Variants in C1S observed in about 807,000 individuals in gnomAD.
C1S encodes complement C1s subcomponent.
A neutral mutation model predicts 54.0 loss-of-function variants in C1S; 31 were observed. The observed-to-expected ratio is 0.57, with a 90% CI of 0.43 to 0.78. C1S has a LOEUF of 0.78. C1S is among the 30% of genes least tolerant of loss of function. C1S has a pLI of 0.00. For synonymous variants in C1S, 292 were observed against 303.6 expected, an observed-to-expected ratio of 0.96 and a Z score of 0.40; for missense variants, 727 against 851.8, an observed-to-expected ratio of 0.85 and a Z score of 1.82.
Position 7,070,556 on chromosome 12 carries a change from CAGTG to C in C1S, c.1973_1976del (p.Gln658LeufsTer10). On this transcript the variant is annotated frameshift_variant, in exon 12 of 12. Transcript: ENST00000360817. LOFTEE classifies it low-confidence loss of function (END_TRUNC). This position sits in a 1 kb window ranked among gnomAD's most constrained non-coding sequence, Gnocchi z 4.9. ...AGCTGGCCTGGTGTCCTGGGGGCCC[CAGTG>C]TGGGACCTATGGGCTCTACACACGG... The C allele has an allele frequency of 6.2e-7, 1 of 1,613,576 alleles. No individual in the cohort carries two copies. Among genetic ancestry groups the C allele is most frequent in the Non-Finnish European group, 8.5e-7 (1 of 1,179,822 alleles).
At chr12:7,067,211 G>C in intron 9 of C1S, 94 bp downstream of exon 9, 1 of 924,396 alleles carries the variant, frequency 1.1e-6, no homozygotes, top group Non-Finnish European at 1.8e-6. Flanking sequence ...TTTCCTCTTA[G>C]GCATGTGAGG....
At position 7,064,362 on chromosome 12, in the gene C1S, T is replaced by A; in HGVS notation, c.487T>A (p.Phe163Ile). The A allele has an allele frequency of 2.5e-6, 4 of 1,614,084 alleles. No homozygotes were observed. The highest frequency in any genetic ancestry group is 3.4e-6 in the Non-Finnish European group (4 of 1,179,998). The change falls in exon 5 of 12, where the codon TTC (phenylalanine) becomes ATC (isoleucine). Residue 163 changes from phenylalanine to isoleucine, a missense_variant. Phe to Ile is a conservative substitution (Grantham distance 21). Around this residue, in one of 3 missense-constraint regions of C1S, gnomAD observed 357 missense variants for 365.4 expected, o/e 0.98. Transcript: ENST00000360817. The part of the protein sequence containing the change: ...GYFCSCPPEY[F>I]LHDDMKNCGV... The stretch of plus-strand genomic sequence containing the variant: ...CTTCTGCTCCTGCCCCCCGGAATAT[T>A]TCCTCCATGATGACATGAAGAATTG...
intron 10 of C1S, 96 bp downstream of exon 10, chr12:7,067,867 T>G: frequency 1.6e-6 from 2 of 1,290,196 alleles, no homozygotes; most frequent in Admixed American, 3.5e-5. Context: ...TGGAGACAAA[T>G]GAAGGCGATA....
intron 11 of C1S, chr12:7,068,859 G>C (rs1333308506): frequency 1.4e-5 from 5 of 358,658 alleles, no homozygotes; most frequent in East Asian, 1.0e-4. Flanking sequence ...TCAGAAACAA[G>C]TCTAGCTAAA....
At chr12:7,066,889 C>T in intron 8 of C1S, 150 bp from the exon 9 acceptor site, 1 of 726,476 alleles carries the variant, frequency 1.4e-6, no homozygotes, top group South Asian at 1.5e-5. Flanking sequence ...TCAGCCTCAT[C>T]TCCTGGGTGC....
chr12:7,066,907 C>A (rs1555162345), intron 8 of C1S, 132 bp from the exon 9 acceptor site: 3 of 754,118 alleles, frequency 4.0e-6, no homozygotes, highest in African/African-American at 3.4e-5. Context: ...TGCTTTAGGT[C>A]TGCTAAGATG....
rs782772542 is a variant in C1S at position 7,066,618 on chromosome 12, G to A, written c.972G>A (p.Gly324=). ...RDVVQITCLD[G]FEVVEGRVGA... is the part of the protein sequence containing the mutation. The stretch of plus-strand genomic sequence containing the variant: ...TGGTGCAGATAACCTGTCTGGATGG[G>A]TTTGAAGTTGTGGAGGTAAAGTACC... Residue 324 remains glycine (G), a synonymous_variant, in exon 8 of 12, where the codon GGG becomes GGA. Coordinates refer to ENST00000360817, the MANE Select transcript of C1S (RefSeq NM_001734.5). 6.8e-6 allele frequency: 11 copies of A among 1,610,464 alleles called. No individual in the cohort carries two copies. The Admixed American group carries it at 1.7e-4, about 24-fold the overall frequency.
intron 7 of C1S, 165 bp from the exon 8 acceptor site, chr12:7,066,353 T>C (rs929050760): frequency 5.8e-6 from 4 of 689,234 alleles, no homozygotes; most frequent in Non-Finnish European, 1.1e-5. Context: ...GGGTGGTTAG[T>C]TGGTAATGCC....
rs1937813757 is a variant in C1S, at chr12:7,070,291, C to T, written c.1707C>T (p.Gly569=). 6.2e-7 allele frequency: 1 copy of T among 1,614,240 alleles called. No individual in the cohort carries two copies. The highest frequency in any genetic ancestry group is 8.5e-7 in the Non-Finnish European group (1 of 1,180,042). The change falls in exon 12 of 12, where the codon GGC becomes GGT. Residue 569 remains glycine (G), a synonymous_variant. Coordinates refer to ENST00000360817, the MANE Select transcript of C1S (RefSeq NM_001734.5). The surrounding 1 kb of genome is among the most constrained non-coding windows in gnomAD (Gnocchi z 4.9). ...LMDGDLGLIS[G]WGRTEKRDRA... is the part of the protein sequence containing the mutation. ...ATGGGGACCTGGGACTGATCTCAGG[C>T]TGGGGCCGAACAGAGAAGAGAGATC... is the stretch of plus-strand genomic sequence containing the variant.
Position 7,061,827 on chromosome 12 carries a change from G to A in C1S, c.-74-12G>A, listed in dbSNP as rs1947092313. ...TTGTCAGACAAATACAGCCAGGCCT[G>A]CCACCCCTTAGGCTCCAAAGTCCGG... On this transcript the variant is annotated splice_polypyrimidine_tract_variant and intron_variant, in intron 1 of 11. Coordinates refer to ENST00000360817, the MANE Select transcript of C1S (RefSeq NM_001734.5). The A allele has an allele frequency of 1.4e-5, 21 of 1,484,168 alleles. No homozygotes were observed. Among genetic ancestry groups the A allele is most frequent in the Non-Finnish European group, 1.9e-5 (20 of 1,062,214 alleles). 91.9% of individuals were successfully genotyped at this position (1,484,168 alleles called of 1,614,324 possible).
chr12:7,061,369 G>A (rs782324753), intron 1 of C1S: 14 of 190,560 alleles, frequency 7.3e-5, no homozygotes, highest in South Asian at 4.3e-4. Flanking sequence ...GGAGATGCAC[G>A]CAATGATAAA....
At chr12:7,064,960 A>G in intron 5 of C1S, 140 bp from the exon 6 acceptor site, 1 of 712,446 alleles carries the variant, frequency 1.4e-6, no homozygotes. Flanking sequence ...TAATTGCTCT[A>G]TCCCTCCAGT....
intron 7 of C1S, chr12:7,066,250 T>C: frequency 1.6e-6 from 1 of 609,676 alleles, no homozygotes; most frequent in Non-Finnish European, 2.9e-6. Flanking sequence ...GATACTTCAC[T>C]TCTTCAGGAA....
intron 9 of C1S, chr12:7,067,337 G>A: frequency 1.6e-6 from 1 of 633,180 alleles, no homozygotes; most frequent in Non-Finnish European, 2.8e-6. Context: ...GGGGCTATGG[G>A]ATAGGTCGAG....
chr12:7,062,413 C>T (rs1048156557), intron 2 of C1S, 62 bp from the exon 3 acceptor site: 11 of 1,213,492 alleles, frequency 9.1e-6, no homozygotes, highest in African/African-American at 4.5e-5. Context: ...TGGCAAATAG[C>T]GCGTTCTGTC....
chr12:7,067,019 T>G lies in C1S; in HGVS notation c.988-20T>G. On this transcript the variant is annotated intron_variant, in intron 8 of 11. Transcript: ENST00000360817. ...CATATCTCTCTTCAGAAATAAGTGG[T>G]GATGTTTATTATTCTCCAGGGACGT... 6.4e-7 allele frequency: 1 copy of G among 1,570,758 alleles called. No individual in the cohort carries two copies. Among genetic ancestry groups the G allele is most frequent in the Non-Finnish European group, 8.8e-7 (1 of 1,140,520 alleles).
intron 4 of C1S, 43 bp from the exon 5 acceptor site, chr12:7,064,224 T>C (rs1947139892): frequency 1.2e-6 from 2 of 1,611,434 alleles, no homozygotes; most frequent in Non-Finnish European, 1.7e-6. Context: ...TTCTCCCTTC[T>C]TGGTGTTTGT....
chr12:7,069,695 G>C (rs1282764316), intron 11 of C1S, among the ~76,000 whole-genome samples, 160 bp from the exon 12 acceptor site: 1 of 152,358 alleles, frequency 6.6e-6, no homozygotes, highest in Admixed American at 6.5e-5. Flanking sequence ...GGTAAGGCCA[G>C]AGTGGGTCAG....
In C1S at chr12:7,066,613, G is replaced by T; in HGVS notation, c.967G>T (p.Asp323Tyr). 1 of 1,612,422 alleles carries T rather than the reference G, an allele frequency of 6.2e-7. No homozygotes were observed. Among genetic ancestry groups the T allele is most frequent in the Non-Finnish European group, 8.5e-7 (1 of 1,178,382 alleles). The change falls in exon 8 of 12, where the codon GAT (aspartate) becomes TAT (tyrosine). Residue 323 changes from aspartate to tyrosine, a missense_variant. Asp to Tyr is a radical substitution (Grantham distance 160). Transcript: ENST00000360817. ...AGATGTGGTGCAGATAACCTGTCTGGATGGGTTTGAAGTTGTGGAGGTAAA... is the reference window on the plus strand; with the variant it reads ...AGATGTGGTGCAGATAACCTGTCTGTATGGGTTTGAAGTTGTGGAGGTAAA... ...FRDVVQITCL[D>Y]GFEVVEGRVG...
Sources: gnomAD v4.1 joint callset for allele counts (sites outside exome capture counted in the v4.1 genomes callset) on GRCh38, gnomAD v4.1.1 for gene constraint, gnomAD v4.1.1 regional missense constraint, Gnocchi (gnomAD v3.1) non-coding constraint, MANE v1.5 for transcripts, NCBI Gene and HGNC (gene_info 2026-07-23, HGNC 2026-07-21) for gene names.